FSTL4: variants seen among roughly 807,000 people sequenced by gnomAD.
The protein encoded by FSTL4 is follistatin like 4.
Under a neutral mutation model 78.2 loss-of-function variants are expected in FSTL4, and 28 were observed. That is an observed-to-expected ratio of 0.36 (90% CI 0.27 to 0.49). The LOEUF (loss-of-function observed/expected upper bound fraction) is 0.49, where lower values mean the gene tolerates loss of function less well. Ranked by LOEUF, FSTL4 falls within the 20% of genes least tolerant of loss-of-function variation. The pLI, the probability that FSTL4 is intolerant of heterozygous loss-of-function variation, is 0.98. For synonymous variants in FSTL4, 422 were observed against 440.5 expected (o/e 0.96, Z 0.53); for missense variants, 922 against 1,084.9 (o/e 0.85, Z 2.11).
the FSTL4 span, among the ~76,000 whole-genome samples, chr5:133,815,777 G>A: frequency 2.0e-5 from 3 of 152,172 alleles, no homozygotes; most frequent in African/African-American, 7.2e-5. Context: ...ATCCACAGGC[G>A]GGAAAGTTTA....
intron 6 of FSTL4, among the ~76,000 whole-genome samples, chr5:133,255,669 G>T (rs1752363982): frequency 6.6e-6 from 1 of 152,206 alleles, no homozygotes; most frequent in Non-Finnish European, 1.5e-5. Flanking sequence ...GCATACCCTT[G>T]GTTTTCCAGA....
chr5:133,763,673 C>A, the FSTL4 span, among the ~76,000 whole-genome samples: 1 of 152,168 alleles, frequency 6.6e-6, no homozygotes, highest in African/African-American at 2.4e-5. Context: ...AGCCTCATCA[C>A]AACTCCTCCC....
the FSTL4 span, among the ~76,000 whole-genome samples, chr5:133,676,355 A>C: frequency 6.6e-6 from 1 of 152,234 alleles, no homozygotes; most frequent in African/African-American, 2.4e-5. Flanking sequence ...GAGAAAACTC[A>C]TAACAATACC....
chr5:133,377,601 T>A (rs761298145), intron 4 of FSTL4, among the ~76,000 whole-genome samples: 46 of 151,268 alleles, frequency 3.0e-4, no homozygotes, highest in Non-Finnish European at 6.3e-4. Flanking sequence ...ACAGCTAGTT[T>A]ACTAGGGAAG....
rs1021706741 is a variant in FSTL4 at position 133,476,269 on chromosome 5, T to C, written c.161-75283A>G. On this transcript the variant is annotated intron_variant, in intron 3 of 15. Coordinates refer to ENST00000265342, the MANE Select transcript of FSTL4 (RefSeq NM_015082.2). The stretch of plus-strand genomic sequence containing the variant: ...TCCATTAAGCTCAGTTACAAAAAGA[T>C]GAAGGAACTGGGCGGCTAGTGAGTG... 4.6e-5 allele frequency among the ~76,000 whole-genome samples: 7 copies of C among 152,270 alleles called. No homozygotes were observed. In the East Asian group the frequency reaches 1.4e-3, roughly 29 times the overall value.
chr5:133,714,724 G>A, the FSTL4 span, among the ~76,000 whole-genome samples: 1 of 152,232 alleles, frequency 6.6e-6, no homozygotes, highest in Non-Finnish European at 1.5e-5. Context: ...CTGCGTGGAA[G>A]TGTGGTCCTG....
chr5:133,631,476 A>G, the FSTL4 span, among the ~76,000 whole-genome samples: 5 of 152,286 alleles, frequency 3.3e-5, no homozygotes, highest in East Asian at 5.8e-4. Flanking sequence ...TAGAATGGCG[A>G]TCATTAAAAA....
the FSTL4 span, among the ~76,000 whole-genome samples, chr5:133,695,236 T>C: frequency 5.7e-3 from 865 of 152,224 alleles, 5 homozygotes; most frequent in South Asian, 0.032. Flanking sequence ...CAATGAAGCT[T>C]CGCTAGCACA....
intron 3 of FSTL4, among the ~76,000 whole-genome samples, chr5:133,467,054 A>ATATG (rs995879572): frequency 1.3e-5 from 2 of 151,190 alleles, no homozygotes; most frequent in Non-Finnish European, 2.9e-5. Flanking sequence ...TTGTATGAGT[A>ATATG]TATGTATGTA....
the FSTL4 span, among the ~76,000 whole-genome samples, chr5:133,824,559 G>A: frequency 2.0e-5 from 3 of 152,148 alleles, no homozygotes; most frequent in Non-Finnish European, 4.4e-5. Flanking sequence ...CAGAGTACCT[G>A]AGTATATTTC....
At chr5:133,832,480 A>G in the FSTL4 span, among the ~76,000 whole-genome samples, 2 of 152,234 alleles carry the variant, frequency 1.3e-5, no homozygotes, top group Admixed American at 1.3e-4. Context: ...GACGAAGGCA[A>G]TTCAGGCTTT....
chr5:133,205,018 T>C (rs934287710), intron 14 of FSTL4, among the ~76,000 whole-genome samples: 11 of 152,294 alleles, frequency 7.2e-5, no homozygotes, highest in Non-Finnish European at 1.3e-4. Flanking sequence ...TGATAATGCA[T>C]ATCCTAGACT....
the FSTL4 span, among the ~76,000 whole-genome samples, chr5:133,722,712 ATAATC>A: frequency 2.4e-4 from 37 of 152,284 alleles, no homozygotes; most frequent in African/African-American, 7.0e-4. Flanking sequence ...ATCTGGTGGT[ATAATC>A]GGCTCTCTCA....
At chr5:133,829,420 T>C in the FSTL4 span, among the ~76,000 whole-genome samples, 15,782 of 152,032 alleles carry the variant, frequency 0.1, 891 homozygotes, top group Admixed American at 0.15. Context: ...GCTCAAACAT[T>C]TCATGGTTGT....
chr5:133,800,272 G>A, the FSTL4 span, among the ~76,000 whole-genome samples: 2 of 138,122 alleles, frequency 1.4e-5, no homozygotes, highest in African/African-American at 5.3e-5. Context: ...TCAGGGAGGG[G>A]ACAGGGAGGA....
intron 3 of FSTL4, among the ~76,000 whole-genome samples, chr5:133,525,220 C>T (rs982873104): frequency 6.6e-6 from 1 of 152,170 alleles, no homozygotes; most frequent in South Asian, 2.1e-4. Flanking sequence ...ATTCGCTTAT[C>T]ACGCACATTC....
intron 6 of FSTL4, among the ~76,000 whole-genome samples, chr5:133,303,707 A>G (rs1386741413): frequency 1.3e-5 from 2 of 152,222 alleles, no homozygotes; most frequent in African/African-American, 4.8e-5. Context: ...GCCTGAGAAC[A>G]GGTGACCAGA....
chr5:133,444,650 T>A (rs1757224646), intron 3 of FSTL4, among the ~76,000 whole-genome samples: 1 of 152,344 alleles, frequency 6.6e-6, no homozygotes, highest in Non-Finnish European at 1.5e-5. Flanking sequence ...AGCCCAGCTA[T>A]AGCCTGTGGG....
the FSTL4 span, among the ~76,000 whole-genome samples, chr5:133,735,724 G>A: frequency 2.0e-5 from 3 of 152,176 alleles, no homozygotes; most frequent in Admixed American, 2.0e-4. Context: ...GCCTCTGCAA[G>A]CTGAAGAGGG....
Sources: allele counts gnomAD v4.1 joint callset (sites outside exome capture counted in the v4.1 genomes callset), GRCh38; gene constraint gnomAD v4.1.1; transcripts MANE v1.5; gene names NCBI Gene and HGNC (gene_info 2026-07-23, HGNC 2026-07-21).